The following DPP10 variants were observed in gnomAD, a reference collection of about 807,000 sequenced individuals.
DPP10 encodes the protein inactive dipeptidyl peptidase 10.
DPP10 carries 33 observed loss-of-function variants against 120.9 expected under a neutral mutation model. That is an observed-to-expected ratio of 0.27 (90% CI 0.21 to 0.37). The LOEUF is 0.37. Ranked by LOEUF, DPP10 falls within the 10% of genes least tolerant of loss-of-function variation. DPP10 has a pLI of 1.00. For synonymous variants in DPP10, 337 were observed against 326.1 expected, an observed-to-expected ratio of 1.03 and a Z score of -0.36; for missense variants, 816 against 942.8, an observed-to-expected ratio of 0.87 and a Z score of 1.76.
intron 1 of DPP10, among the ~76,000 whole-genome samples, chr2:115,143,806 AT>A (rs1230554074): frequency 6.6e-6 from 1 of 152,194 alleles, no homozygotes; most frequent in East Asian, 1.9e-4. Flanking sequence ...TCCCCAGGAC[AT>A]TTCATTCTGT....
intron 3 of DPP10, among the ~76,000 whole-genome samples, chr2:115,472,922 T>A (rs2074828000): frequency 6.6e-6 from 1 of 152,202 alleles, no homozygotes; most frequent in South Asian, 2.1e-4. Flanking sequence ...GTTAGACTTC[T>A]GAGCAGGTCA....
At position 115,398,726 on chromosome 2, in the gene DPP10, AT is replaced by A. The variant is rs543738098; in HGVS notation, c.271+54819del. On this transcript the variant is annotated intron_variant, in intron 3 of 25. Coordinates refer to ENST00000410059, the MANE Select transcript of DPP10 (RefSeq NM_020868.6). ...CAATAGCAACTTTATATGAGATTTG[AT>A]TTTTCATATCAGACTTCAGCCTCAA... 5.7e-3 allele frequency among the ~76,000 whole-genome samples: 860 copies of A among 152,198 alleles called. 7 individuals carry two copies. The highest frequency in any genetic ancestry group is 0.02 in the African/African-American group (833 of 41,530).
chr2:114,768,824 G>T (rs988569256), intron 1 of DPP10, among the ~76,000 whole-genome samples: 2 of 152,060 alleles, frequency 1.3e-5, no homozygotes, highest in Non-Finnish European at 2.9e-5. Context: ...TTCAATATTT[G>T]ATAAAATATT....
rs367674721 is a variant in DPP10 at position 114,947,677 on chromosome 2, G to C, written c.61-361562G>C. On this transcript the variant is annotated intron_variant, in intron 1 of 25. Coordinates refer to ENST00000410059, the MANE Select transcript of DPP10 (RefSeq NM_020868.6). ...TTAACTGTAGTGATTTCTGATAAAA[G>C]GCCTTTCAAAGAGGGCTTTAGTTAG... 7.2e-5 allele frequency among the ~76,000 whole-genome samples: 11 copies of C among 151,846 alleles called. No individual in the cohort carries two copies. In the East Asian group the frequency reaches 9.7e-4, roughly 13 times the overall value.
In DPP10 at chr2:115,594,258, A is replaced by G. The variant is rs1275732241; in HGVS notation, c.441+68286A>G. Among the ~76,000 whole-genome samples the G allele has an allele frequency of 6.6e-5, 10 of 152,310 alleles. No individual in the cohort carries two copies. In the South Asian group the frequency reaches 1.9e-3, roughly 28 times the overall value. ...TAAAAATGAAACAGATTCTTACTCAACTTACACAAATAACTATATTGCCAT... is the reference window on the plus strand; with the variant it reads ...TAAAAATGAAACAGATTCTTACTCAGCTTACACAAATAACTATATTGCCAT... On this transcript the variant is annotated intron_variant, in intron 5 of 25. Transcript: ENST00000410059.
chr2:115,636,468 T>C (rs2086341447), intron 5 of DPP10, among the ~76,000 whole-genome samples: 1 of 152,162 alleles, frequency 6.6e-6, no homozygotes, highest in East Asian at 1.9e-4. Context: ...TGTGGTTATA[T>C]ATTCTTGGGA....
chr2:114,495,497 A>G (rs962859200), intron 1 of DPP10, among the ~76,000 whole-genome samples: 2 of 152,182 alleles, frequency 1.3e-5, no homozygotes, highest in Non-Finnish European at 2.9e-5. Flanking sequence ...TTCTTTCTGT[A>G]TTTATTGCCT....
intron 1 of DPP10, among the ~76,000 whole-genome samples, chr2:114,515,653 T>TG (rs1684535052): frequency 6.6e-6 from 1 of 152,298 alleles, no homozygotes; most frequent in South Asian, 2.1e-4. Flanking sequence ...CAGAGGTAGT[T>TG]GCCAACCCAA....
intron 1 of DPP10, among the ~76,000 whole-genome samples, chr2:115,253,968 G>A (rs1030382159): frequency 1.3e-5 from 2 of 152,222 alleles, no homozygotes; most frequent in East Asian, 1.9e-4. Context: ...CCTGAAGCAG[G>A]CTTCTGCCTG....
At chr2:115,640,850 C>T (rs1033662708) in intron 5 of DPP10, among the ~76,000 whole-genome samples, 4 of 152,146 alleles carry the variant, frequency 2.6e-5, no homozygotes, top group Non-Finnish European at 5.9e-5. Flanking sequence ...GATCATTATA[C>T]ACCGATGTTA....
chr2:115,309,963 T>C (rs909506828), intron 2 of DPP10, among the ~76,000 whole-genome samples: 3 of 152,136 alleles, frequency 2.0e-5, no homozygotes, highest in Non-Finnish European at 2.9e-5. Flanking sequence ...GAAATTATCA[T>C]TGTGCTTCTT....
At chr2:115,222,980 A>T (rs1354501987) in intron 1 of DPP10, among the ~76,000 whole-genome samples, 1 of 152,126 alleles carries the variant, frequency 6.6e-6, no homozygotes. Flanking sequence ...TATTTATAAG[A>T]CTATTTGTAA....
At chr2:115,722,079 G>A (rs1254314524) in intron 7 of DPP10, among the ~76,000 whole-genome samples, 2 of 152,034 alleles carry the variant, frequency 1.3e-5, no homozygotes, top group African/African-American at 4.8e-5. Context: ...GTGAAATGGT[G>A]ATTGCAAGGG....
intron 1 of DPP10, among the ~76,000 whole-genome samples, chr2:114,504,674 A>G (rs1205946243): frequency 6.6e-6 from 1 of 152,214 alleles, no homozygotes; most frequent in African/African-American, 2.4e-5. Flanking sequence ...CATGTCATGT[A>G]TATGTTGTTA....
At position 114,686,380 on chromosome 2, in the gene DPP10, CA is replaced by C. The variant is rs1258958491; in HGVS notation, c.60+243546del. Among the ~76,000 whole-genome samples, 17 of 151,776 alleles carry C rather than the reference CA, an allele frequency of 1.1e-4. No homozygotes were observed. In the East Asian group the frequency reaches 3.3e-3, roughly 30 times the overall value. The stretch of plus-strand genomic sequence containing the variant: ...CAGCCACAACTAAGTTCCAGCAAAC[CA>C]AAACAAACAATTTATTAACAAAACT... On this transcript the variant is annotated intron_variant, in intron 1 of 25. Coordinates refer to ENST00000410059, the MANE Select transcript of DPP10 (RefSeq NM_020868.6).
At chr2:114,692,819 C>A (rs1424324545) in intron 1 of DPP10, among the ~76,000 whole-genome samples, 1 of 152,040 alleles carries the variant, frequency 6.6e-6, no homozygotes, top group Non-Finnish European at 1.5e-5. Context: ...TAATTGAACC[C>A]TTTACAATTA....
chr2:114,742,550 C>T (rs72959529), intron 1 of DPP10, among the ~76,000 whole-genome samples: 1,903 of 152,246 alleles, frequency 0.012, 49 homozygotes, highest in African/African-American at 0.044. Context: ...TTATGTGGCA[C>T]TGCTTTTTTG....
At chr2:115,433,861 A>T (rs1324801505) in intron 3 of DPP10, among the ~76,000 whole-genome samples, 1 of 152,050 alleles carries the variant, frequency 6.6e-6, no homozygotes, top group Non-Finnish European at 1.5e-5. Flanking sequence ...TGTCAATCAG[A>T]TATCACGATT....
At chr2:114,942,171 A>G (rs1167387541) in intron 1 of DPP10, among the ~76,000 whole-genome samples, 2 of 150,446 alleles carry the variant, frequency 1.3e-5, no homozygotes, top group African/African-American at 2.4e-5. Flanking sequence ...TACTCGGGAG[A>G]CTAAAGCAGG....
Sources: allele counts gnomAD v4.1 joint callset (sites outside exome capture counted in the v4.1 genomes callset), GRCh38; gene constraint gnomAD v4.1.1; transcripts MANE v1.5; gene names NCBI Gene and HGNC (gene_info 2026-07-23, HGNC 2026-07-21).